The following TRPC6 variants were observed in gnomAD, a reference collection of about 807,000 sequenced individuals.
The protein encoded by TRPC6 is transient receptor potential cation channel subfamily C member 6.
Under a neutral mutation model 90.7 loss-of-function variants are expected in TRPC6, and 55 were observed. That is an observed-to-expected ratio of 0.61 (90% CI 0.49 to 0.76). TRPC6 has a LOEUF of 0.76. TRPC6 is among the 30% of genes least tolerant of loss of function. The probability of loss-of-function intolerance (pLI) is 0.00; values close to 1 mark genes in which losing one functional copy is unlikely to be tolerated. For synonymous variants in TRPC6, 393 were observed against 393.0 expected (o/e 1.00, Z 0.00); for missense variants, 989 against 1,122.7 (o/e 0.88, Z 1.70).
chr11:101,494,303 T>A lies in TRPC6; in HGVS notation c.946-2565A>T, dbSNP rs146154971. On this transcript the variant is annotated intron_variant, in intron 2 of 12. Coordinates refer to ENST00000344327, the MANE Select transcript of TRPC6 (RefSeq NM_004621.6). ...AATATGTTAGAACCAGTCTATGAAG[T>A]AGGGGTTCTTATTACTCTCATTTTA... Among the ~76,000 whole-genome samples the A allele has an allele frequency of 4.5e-3, 684 of 152,286 alleles. 3 individuals carry two copies. The highest frequency in any genetic ancestry group is 0.016 in the African/African-American group (651 of 41,542).
chr11:101,548,288 T>TTTATATAAA (rs1861360973), intron 1 of TRPC6, among the ~76,000 whole-genome samples: 1 of 126,884 alleles, frequency 7.9e-6, no homozygotes, highest in Non-Finnish European at 1.8e-5. Flanking sequence ...ATATATATAA[T>TTTATATAAA]TATATATAAT....
chr11:101,583,471 C>T lies in TRPC6; in HGVS notation c.33G>A (p.Arg11=), dbSNP rs963972036. 2.6e-6 allele frequency: 4 copies of T among 1,517,070 alleles called. No individual in the cohort carries two copies. The African/African-American group carries it at 4.2e-5, about 16-fold the overall frequency. The allele number at this position is 1,517,070 out of a possible 1,614,324, so 94.0% of individuals were successfully genotyped here. The part of the protein sequence containing the change: MSQSPAFGPR[R]GSSPRGAAGA... ...CGGCAGCGCCCCGGGGAGAACTGCC[C>T]CTCCGGGGCCCGAACGCCGGGCTCT... Residue 11 remains arginine, a synonymous_variant, in exon 1 of 13, where the codon AGG becomes AGA. Transcript: ENST00000344327.
intron 5 of TRPC6, among the ~76,000 whole-genome samples, chr11:101,477,342 C>T (rs1859440193): frequency 6.6e-6 from 1 of 151,880 alleles, no homozygotes; most frequent in Non-Finnish European, 1.5e-5. Context: ...CCTTAATAAA[C>T]CTGTTGAACA....
intron 2 of TRPC6, among the ~76,000 whole-genome samples, chr11:101,493,497 G>A (rs748673659): frequency 1.8e-4 from 27 of 152,144 alleles, no homozygotes; most frequent in Non-Finnish European, 3.5e-4. Context: ...CCAAAATCGA[G>A]CTTTAAACCT....
chr11:101,485,068 A>G (rs1020722474), intron 4 of TRPC6, among the ~76,000 whole-genome samples: 1 of 151,512 alleles, frequency 6.6e-6, no homozygotes, highest in South Asian at 2.1e-4. Context: ...AAATGTTTTC[A>G]ATCTGCGGTT....
chr11:101,514,346 T>C (rs1860467842), intron 1 of TRPC6, among the ~76,000 whole-genome samples: 1 of 152,198 alleles, frequency 6.6e-6, no homozygotes, highest in Non-Finnish European at 1.5e-5. Context: ...GTGTGGCATA[T>C]AAATGATTAG....
intron 1 of TRPC6, among the ~76,000 whole-genome samples, chr11:101,515,407 G>A (rs1860494038): frequency 6.6e-6 from 1 of 152,162 alleles, no homozygotes. Flanking sequence ...TTCTTGAAGT[G>A]TATTCTATTC....
chr11:101,456,180 C>T (rs1354076295), intron 10 of TRPC6, among the ~76,000 whole-genome samples: 1 of 152,076 alleles, frequency 6.6e-6, no homozygotes, highest in African/African-American at 2.4e-5. Context: ...AAAACGAGCA[C>T]TTGAAGGGAA....
chr11:101,473,646 C>T lies in TRPC6; in HGVS notation c.1872G>A (p.Gln624=), dbSNP rs951261922. ...LPANESFGPL[Q]ISLGRTVKDI... Reference sequence around the variant, plus strand: ...CTTTGACTGTTCTTCCAAGTGATATCTGCAGAGGTCCAAAGCTTTCATTTG... The same window carrying T: ...CTTTGACTGTTCTTCCAAGTGATATTTGCAGAGGTCCAAAGCTTTCATTTG... The change falls in exon 7 of 13, where the codon CAG becomes CAA. Residue 624 remains glutamine, a synonymous_variant. Transcript: ENST00000344327. 6.2e-7 allele frequency: 1 copy of T among 1,613,678 alleles called. No homozygotes were observed. The highest frequency in any genetic ancestry group is 1.3e-5 in the African/African-American group (1 of 74,884).
At chr11:101,543,657 G>T (rs1284378060) in intron 1 of TRPC6, among the ~76,000 whole-genome samples, 1 of 152,096 alleles carries the variant, frequency 6.6e-6, no homozygotes, top group Non-Finnish European at 1.5e-5. Context: ...TTAATAAATG[G>T]TGTTGGGAAA....
Position 101,583,519 on chromosome 11 carries a change from C to G in TRPC6, c.-16G>C. On this transcript the variant is annotated 5_prime_UTR_variant, in exon 1 of 13. Transcript: ENST00000344327. ...TCTGGCTCATGGCGGGAACGCCCGA[C>G]TGGCCTGGGCCCCGCTCCCGGGGGA... is the stretch of plus-strand genomic sequence containing the variant. 6.9e-7 allele frequency: 1 copy of G among 1,445,016 alleles called. No individual in the cohort carries two copies. The highest frequency in any genetic ancestry group is 9.1e-7 in the Non-Finnish European group (1 of 1,103,156). The allele number at this position is 1,445,016 out of a possible 1,614,324, so 89.5% of individuals were successfully genotyped here. A position where few individuals can be genotyped will look rare whatever the true frequency, so the allele number is the denominator to read the frequency against.
chr11:101,485,730 G>GTAGAA (rs1457789776), intron 4 of TRPC6, among the ~76,000 whole-genome samples: 3 of 152,102 alleles, frequency 2.0e-5, no homozygotes, highest in Non-Finnish European at 4.4e-5. Flanking sequence ...ATACAGTAGA[G>GTAGAA]CGTAAATTAA....
intron 10 of TRPC6, among the ~76,000 whole-genome samples, chr11:101,462,610 C>G (rs1392771286): frequency 6.6e-6 from 1 of 151,694 alleles, no homozygotes; most frequent in Non-Finnish European, 1.5e-5. Context: ...GGCTCTCTGT[C>G]TGTTATGGGT....
chr11:101,562,430 C>T (rs9326314), intron 1 of TRPC6, among the ~76,000 whole-genome samples: 56,321 of 151,816 alleles, frequency 0.37, 10,657 homozygotes, highest in East Asian at 0.55. Flanking sequence ...CAGGGTAAAT[C>T]CCTTTGCAAA....
chr11:101,577,826 G>A (rs1565254506), intron 1 of TRPC6, among the ~76,000 whole-genome samples: 2 of 152,184 alleles, frequency 1.3e-5, no homozygotes, highest in African/African-American at 4.8e-5. Context: ...TTTAACGGAA[G>A]AGCCTCAGGC....
At chr11:101,474,427 A>G (rs1859366185) in intron 6 of TRPC6, among the ~76,000 whole-genome samples, 1 of 152,154 alleles carries the variant, frequency 6.6e-6, no homozygotes, top group Non-Finnish European at 1.5e-5. Flanking sequence ...CTAAGAAACC[A>G]TTATGAAGAA....
At position 101,504,579 on chromosome 11, in the gene TRPC6, A is replaced by T. The variant is rs748797242; in HGVS notation, c.390T>A (p.Asp130Glu). The T allele has an allele frequency of 1.2e-6, 2 of 1,613,932 alleles. No homozygotes were observed. The highest frequency in any genetic ancestry group is 1.7e-6 in the Non-Finnish European group (2 of 1,180,010). The stretch of plus-strand genomic sequence containing the variant: ...ACTGTAGGGCATTCTGGCCCATGTA[A>T]TCCACACAGTTAACGTTGAGTGAGT... Reference protein sequence around the residue: ...ECHSLNVNCVDYMGQNALQLA... With the variant: ...ECHSLNVNCVEYMGQNALQLA... Residue 130 changes from aspartate to glutamate, a missense_variant, in exon 2 of 13, where the codon GAT (aspartate) becomes GAA (glutamate). Physicochemically the swap from Asp to Glu is conservative, Grantham distance 45. This residue lies in a region of TRPC6 where 486 missense variants were observed against 591.9 expected (regional missense o/e 0.82). Transcript: ENST00000344327.
At chr11:101,570,612 G>A (rs541790153) in intron 1 of TRPC6, among the ~76,000 whole-genome samples, 11 of 152,144 alleles carry the variant, frequency 7.2e-5, no homozygotes, top group African/African-American at 2.2e-4. Flanking sequence ...ACATTGATCC[G>A]AAAATCCTCA....
chr11:101,537,626 A>G (rs1415646494), intron 1 of TRPC6, among the ~76,000 whole-genome samples: 1 of 152,136 alleles, frequency 6.6e-6, no homozygotes, highest in Admixed American at 6.6e-5. Context: ...GAGTTCTTGT[A>G]TGTTGTTCAC....
Sources: gnomAD v4.1 joint callset for allele counts (sites outside exome capture counted in the v4.1 genomes callset) on GRCh38, gnomAD v4.1.1 for gene constraint, gnomAD v4.1.1 regional missense constraint, MANE v1.5 for transcripts, NCBI Gene and HGNC (gene_info 2026-07-23, HGNC 2026-07-21) for gene names.